Variants in MALRD1 observed in about 807,000 individuals in gnomAD.
MALRD1 encodes MAM and LDL-receptor class A domain-containing protein 1.
MALRD1 carries 247 observed loss-of-function variants against 242.1 expected under a neutral mutation model. That is an observed-to-expected ratio of 1.02 (90% CI 0.92 to 1.13). MALRD1 has a LOEUF of 1.13. Among genes scored for constraint, MALRD1 ranks in the 50% most tolerant of loss-of-function variants. The pLI, the probability that MALRD1 is intolerant of heterozygous loss-of-function variation, is 0.00. For synonymous variants in MALRD1, 995 were observed against 866.6 expected, an observed-to-expected ratio of 1.15 and a Z score of -2.60; for missense variants, 2,989 against 2,533.1, an observed-to-expected ratio of 1.18 and a Z score of -3.86.
At chr10:19,574,057 C>G (rs1287828167) in intron 33 of MALRD1, among the ~76,000 whole-genome samples, 2 of 152,038 alleles carry the variant, frequency 1.3e-5, no homozygotes, top group African/African-American at 4.8e-5. Flanking sequence ...AGCAAGGTGC[C>G]AAACAAAATA....
chr10:19,540,552 G>A (rs1388939815), intron 32 of MALRD1, among the ~76,000 whole-genome samples: 2 of 152,220 alleles, frequency 1.3e-5, no homozygotes, highest in South Asian at 2.1e-4. Flanking sequence ...CAGGTACTAG[G>A]TTATCATTTA....
chr10:19,724,493 G>A (rs1054049951), intron 38 of MALRD1, among the ~76,000 whole-genome samples: 2 of 152,100 alleles, frequency 1.3e-5, no homozygotes, highest in Non-Finnish European at 2.9e-5. Flanking sequence ...TTCAGCATTC[G>A]GAGTGACAGC....
intron 32 of MALRD1, among the ~76,000 whole-genome samples, chr10:19,564,972 C>A (rs1236662674): frequency 6.6e-6 from 1 of 152,026 alleles, no homozygotes; most frequent in East Asian, 1.9e-4. Context: ...TTCTCATTGG[C>A]CACAGTGGCT....
At chr10:19,449,057 G>T (rs1835162042) in intron 28 of MALRD1, among the ~76,000 whole-genome samples, 1 of 152,108 alleles carries the variant, frequency 6.6e-6, no homozygotes, top group Non-Finnish European at 1.5e-5. Flanking sequence ...ATTACATCTG[G>T]AACTAGAAAC....
At chr10:19,515,491 A>C (rs1833583603) in intron 31 of MALRD1, among the ~76,000 whole-genome samples, 1 of 151,982 alleles carries the variant, frequency 6.6e-6, no homozygotes, top group East Asian at 1.9e-4. Context: ...GTTTTCTTTT[A>C]GTAGGTCACT....
intron 33 of MALRD1, among the ~76,000 whole-genome samples, chr10:19,587,488 A>G (rs1430428326): frequency 6.6e-6 from 1 of 152,246 alleles, no homozygotes; most frequent in East Asian, 1.9e-4. Flanking sequence ...TCATAAAGGT[A>G]AAAATCCATC....
At chr10:19,159,468 G>A (rs996488678) in intron 12 of MALRD1, among the ~76,000 whole-genome samples, 20 of 152,054 alleles carry the variant, frequency 1.3e-4, no homozygotes, top group African/African-American at 4.8e-4. Context: ...CTGATGTGAA[G>A]CAGAGAAGGC....
At chr10:19,371,694 A>G (rs1845386948) in intron 26 of MALRD1, among the ~76,000 whole-genome samples, 1 of 152,220 alleles carries the variant, frequency 6.6e-6, no homozygotes, top group Non-Finnish European at 1.5e-5. Flanking sequence ...GCATTGTTCT[A>G]TAATTGTCTT....
At chr10:19,323,452 A>G (rs1311789497) in intron 21 of MALRD1, among the ~76,000 whole-genome samples, 1 of 152,192 alleles carries the variant, frequency 6.6e-6, no homozygotes, top group East Asian at 1.9e-4. Context: ...ACCAATTGAT[A>G]TCATTACAAG....
intron 29 of MALRD1, among the ~76,000 whole-genome samples, chr10:19,476,134 A>G (rs10764033): frequency 0.41 from 61,767 of 151,612 alleles, 12,752 homozygotes; most frequent in African/African-American, 0.5. Context: ...TGAAGAAACA[A>G]TTGTGGAAGC....
intron 26 of MALRD1, among the ~76,000 whole-genome samples, chr10:19,352,802 G>A (rs1482309288): frequency 2.0e-5 from 3 of 152,084 alleles, no homozygotes; most frequent in Non-Finnish European, 4.4e-5. Flanking sequence ...TTGATAATTT[G>A]TTGAAAGAAT....
intron 1 of MALRD1, among the ~76,000 whole-genome samples, chr10:19,054,118 T>A (rs1489693491): frequency 3.3e-5 from 5 of 152,136 alleles, no homozygotes; most frequent in African/African-American, 9.7e-5. Context: ...TTTAAAAAAA[T>A]TTTTAAATGA....
chr10:19,408,270 G>A (rs374939891), intron 28 of MALRD1, among the ~76,000 whole-genome samples: 1 of 152,118 alleles, frequency 6.6e-6, no homozygotes, highest in Admixed American at 6.6e-5. Flanking sequence ...GTCAGCAGGC[G>A]ACAGGTGCAT....
intron 18 of MALRD1, among the ~76,000 whole-genome samples, chr10:19,211,463 C>T (rs779163659): frequency 1.1e-4 from 16 of 151,650 alleles, no homozygotes; most frequent in Non-Finnish European, 1.6e-4. Context: ...GAGGCCGAGG[C>T]GGGAGGATTA....
chr10:19,235,379 A>T (rs1564488551), intron 18 of MALRD1, among the ~76,000 whole-genome samples: 1 of 149,606 alleles, frequency 6.7e-6, no homozygotes, highest in African/African-American at 2.5e-5. Flanking sequence ...AATTCTAAGC[A>T]TTTTTTTTTC....
rs564013555 is a variant in MALRD1 at position 19,473,245 on chromosome 10, T to C, written c.5030-18272T>C. Among the ~76,000 whole-genome samples the C allele has an allele frequency of 7.3e-5, 11 of 151,542 alleles. 1 individual carries two copies. In the South Asian group the frequency reaches 2.3e-3, roughly 32 times the overall value. The stretch of plus-strand genomic sequence containing the variant: ...GGTTATGACGTATACCCTGCTCCTA[T>C]AACAGTGCCTGGCATACTACAGACA... On this transcript the variant is annotated intron_variant, in intron 29 of 39. Coordinates refer to ENST00000454679, the MANE Select transcript of MALRD1 (RefSeq NM_001142308.3).
At chr10:19,492,158 G>A (rs1837520735) in intron 30 of MALRD1, among the ~76,000 whole-genome samples, 1 of 151,878 alleles carries the variant, frequency 6.6e-6, no homozygotes, top group South Asian at 2.1e-4. Context: ...TTTAATTCAA[G>A]CAATGTTTAA....
At chr10:19,157,023 G>A (rs1222319923) in intron 12 of MALRD1, among the ~76,000 whole-genome samples, 1 of 152,132 alleles carries the variant, frequency 6.6e-6, no homozygotes, top group Non-Finnish European at 1.5e-5. Context: ...AGGAGCCACT[G>A]CAGACTGCCA....
At chr10:19,298,361 T>G (rs1170231500) in intron 21 of MALRD1, among the ~76,000 whole-genome samples, 1 of 151,904 alleles carries the variant, frequency 6.6e-6, no homozygotes, top group African/African-American at 2.4e-5. Flanking sequence ...CTCCCAGCAC[T>G]GCCACACTGG....
Sources: gnomAD v4.1 joint callset for allele counts (sites outside exome capture counted in the v4.1 genomes callset) on GRCh38, gnomAD v4.1.1 for gene constraint, MANE v1.5 for transcripts, NCBI Gene and HGNC (gene_info 2026-07-23, HGNC 2026-07-21) for gene names.